ARHGAP21: variants seen among roughly 807,000 people sequenced by gnomAD.
ARHGAP21 encodes the protein rho GTPase-activating protein 21.
A neutral mutation model predicts 164.6 loss-of-function variants in ARHGAP21; 38 were observed. The ratio of observed to expected loss-of-function variants is 0.23; its 90% CI spans 0.18 to 0.30. ARHGAP21 has a LOEUF of 0.30. Ranked by LOEUF, ARHGAP21 falls within the 10% of genes least tolerant of loss-of-function variation. The probability of loss-of-function intolerance (pLI) is 1.00; values close to 1 mark genes in which losing one functional copy is unlikely to be tolerated. For missense variants in ARHGAP21, 1,822 were observed against 2,370.7 expected, an observed-to-expected ratio of 0.77 and a Z score of 4.81; for synonymous variants, 766 against 857.9, an observed-to-expected ratio of 0.89 and a Z score of 1.87.
At chr10:24,640,824 A>G (rs1386824043) in intron 4 of ARHGAP21, among the ~76,000 whole-genome samples, 3 of 152,244 alleles carry the variant, frequency 2.0e-5, no homozygotes, top group African/African-American at 7.2e-5. Flanking sequence ...ATTGAGCAAT[A>G]GGAATGTGGA....
chr10:24,626,234 C>G (rs570659078), intron 7 of ARHGAP21, among the ~76,000 whole-genome samples: 1 of 152,210 alleles, frequency 6.6e-6, no homozygotes, highest in South Asian at 2.1e-4. Context: ...AAGTATGCCC[C>G]GATCTAGTTC....
chr10:24,695,599 T>C (rs1354307018), intron 2 of ARHGAP21, among the ~76,000 whole-genome samples: 1 of 151,420 alleles, frequency 6.6e-6, no homozygotes, highest in Non-Finnish European at 1.5e-5. Context: ...ATTTAGCAAA[T>C]GTGATGGGAT....
At chr10:24,643,184 G>A (rs114887563) in intron 4 of ARHGAP21, among the ~76,000 whole-genome samples, 1 of 152,296 alleles carries the variant, frequency 6.6e-6, no homozygotes, top group African/African-American at 2.4e-5. Flanking sequence ...TCTTACAAAT[G>A]TGCCAGGCAT....
Position 24,585,963 on chromosome 10 carries a change from A to G in ARHGAP21, c.4326T>C (p.Phe1442=). Residue 1442 remains phenylalanine, a synonymous_variant, in exon 26 of 26, where the codon TTT becomes TTC. Coordinates refer to ENST00000396432, the MANE Select transcript of ARHGAP21 (RefSeq NM_020824.4). ...GACACTGTTCCACATTTTCTTTCTT[A>G]AAAAATACATTGTCCAGTTCATCTT... ...SSEDELDNVF[F]KKENVEQCHN... is the part of the protein sequence containing the mutation. The G allele has an allele frequency of 1.2e-6, 2 of 1,613,954 alleles. No individual in the cohort carries two copies. The highest frequency in any genetic ancestry group is 3.3e-5 in the Admixed American group (2 of 60,006).
rs1834433922 is a variant in ARHGAP21, at chr10:24,620,521, C to T, written c.1374G>A (p.Val458=). The T allele has an allele frequency of 3.7e-6, 6 of 1,611,212 alleles. No individual in the cohort carries two copies. The highest frequency in any genetic ancestry group is 5.1e-6 in the Non-Finnish European group (6 of 1,178,340). Residue 458 remains valine, a synonymous_variant, in exon 9 of 26, where the codon GTG becomes GTA. Coordinates refer to ENST00000396432, the MANE Select transcript of ARHGAP21 (RefSeq NM_020824.4). ...PQSVQIRQRS[V]SQERLEDSVL... ...CAGAATCTTCCAGTCTTTCTTGGGA[C>T]ACACTGCGTTGCCGTATCTGGACAG...
chr10:24,718,399 C>A (rs1289295558), intron 2 of ARHGAP21, among the ~76,000 whole-genome samples: 1 of 152,068 alleles, frequency 6.6e-6, no homozygotes, highest in Non-Finnish European at 1.5e-5. Flanking sequence ...TACGGAGTCA[C>A]CAGCACACAG....
chr10:24,668,063 T>C (rs1376226238), intron 3 of ARHGAP21, among the ~76,000 whole-genome samples: 2 of 152,354 alleles, frequency 1.3e-5, no homozygotes, highest in Middle Eastern at 3.4e-3. Flanking sequence ...TTAAGTGTGT[T>C]ACAAGTATTG....
At position 24,653,572 on chromosome 10, in the gene ARHGAP21, C is replaced by CA. The variant is rs201414885; in HGVS notation, c.268+13412dup. ...TGGGCGACAGAGAGAGACTCTGTCTCAAAAAAAAAAAAATTAAAAAAAAAG... is the reference window on the plus strand; with the variant it reads ...TGGGCGACAGAGAGAGACTCTGTCTCAAAAAAAAAAAAAATTAAAAAAAAAG... On this transcript the variant is annotated intron_variant, in intron 4 of 25. Coordinates refer to ENST00000396432, the MANE Select transcript of ARHGAP21 (RefSeq NM_020824.4). Among the ~76,000 whole-genome samples, 412 of 125,240 alleles carry CA rather than the reference C, an allele frequency of 3.3e-3. 2 individuals carry two copies. Among genetic ancestry groups the CA allele is most frequent in the African/African-American group, 9.1e-3 (306 of 33,640 alleles). 82.2% of individuals were successfully genotyped at this position (125,240 alleles called of 152,430 possible).
In ARHGAP21 at chr10:24,620,421, T is replaced by C. The variant is rs143952326; in HGVS notation, c.1474A>G (p.Arg492Gly). The change falls in exon 9 of 26, where the codon AGA becomes GGA. Residue 492 changes from arginine to glycine, a missense_variant. Arg to Gly is a moderately radical substitution (Grantham distance 125). Transcript: ENST00000396432. ...TCAATATAATCCCATGAACGAGTTCTATGATTACTAAAACTAACAGATGGA... is the reference window on the plus strand; with the variant it reads ...TCAATATAATCCCATGAACGAGTTCCATGATTACTAAAACTAACAGATGGA... The part of the protein sequence containing the change: ...TSPSVSFSNH[R>G]TRSWDYIEGQ... The C allele has an allele frequency of 3.1e-3, 4,973 of 1,611,712 alleles. 11 individuals are homozygous for C. Among genetic ancestry groups the C allele is most frequent in the South Asian group, 4.6e-3 (414 of 90,946 alleles).
Position 24,585,482 on chromosome 10 carries a change from G to A in ARHGAP21, c.4807C>T (p.Arg1603Ter), listed in dbSNP as rs1194227600. The change falls in exon 26 of 26, where the codon CGA (arginine) becomes TGA (stop). Residue 1603 changes from arginine (R) to a stop codon, truncating the protein, a stop_gained. Coordinates refer to ENST00000396432, the MANE Select transcript of ARHGAP21 (RefSeq NM_020824.4). LOFTEE classifies it low-confidence loss of function (END_TRUNC). ...ACGGATTGCACCTCAGGGCTCAGTCGACTGGAGTCCAGGCTAGTCAAGTAT... is the reference window on the plus strand; with the variant it reads ...ACGGATTGCACCTCAGGGCTCAGTCAACTGGAGTCCAGGCTAGTCAAGTAT... ...ATYLTSLDSS[R>*]LSPEVQSVAE... 2.5e-6 allele frequency: 4 copies of A among 1,613,962 alleles called. No individual in the cohort carries two copies. Among genetic ancestry groups the A allele is most frequent in the East Asian group, 2.2e-5 (1 of 44,890 alleles).
At chr10:24,630,094 T>TA (rs780921126) in intron 6 of ARHGAP21, 44 bp from the exon 7 acceptor site, 5 of 1,114,796 alleles carry the variant, frequency 4.5e-6, no homozygotes, top group African/African-American at 1.6e-5. Flanking sequence ...TAGAAGTGTA[T>TA]AAAAAAAGAC....
At chr10:24,668,258 T>A (rs1240940695) in intron 3 of ARHGAP21, among the ~76,000 whole-genome samples, 1 of 152,228 alleles carries the variant, frequency 6.6e-6, no homozygotes, top group Admixed American at 6.5e-5. Flanking sequence ...TCAAAGTTGT[T>A]TTGGTGTAAC....
intron 3 of ARHGAP21, among the ~76,000 whole-genome samples, chr10:24,668,216 C>T (rs923330057): frequency 6.6e-6 from 1 of 152,170 alleles, no homozygotes; most frequent in African/African-American, 2.4e-5. Context: ...TGTTAACAAG[C>T]GTAAGCATGT....
chr10:24,628,798 C>T (rs1249058440), intron 7 of ARHGAP21, among the ~76,000 whole-genome samples: 6 of 105,646 alleles, frequency 5.7e-5, no homozygotes, highest in Admixed American at 2.9e-4. Flanking sequence ...CATATATACA[C>T]ATATATACAT....
chr10:24,615,875 A>G (rs1833895754), intron 9 of ARHGAP21, among the ~76,000 whole-genome samples: 1 of 152,134 alleles, frequency 6.6e-6, no homozygotes, highest in Non-Finnish European at 1.5e-5. Context: ...CCCAGGTTCA[A>G]GCAATTCTCC....
At chr10:24,687,716 A>C (rs1842347673) in intron 2 of ARHGAP21, among the ~76,000 whole-genome samples, 2 of 152,226 alleles carry the variant, frequency 1.3e-5, no homozygotes, top group Admixed American at 6.5e-5. Flanking sequence ...GGTAGACAGG[A>C]ATCACCAAAT....
At position 24,671,310 on chromosome 10, in the gene ARHGAP21, C is replaced by T. The variant is rs116989905; in HGVS notation, c.64-913G>A. Reference sequence around the variant, plus strand: ...TTCACTCTAAGTTCATGACTACCAACCTCAAGAGAGCCTTTAGTGTTGTCA... The same window carrying T: ...TTCACTCTAAGTTCATGACTACCAATCTCAAGAGAGCCTTTAGTGTTGTCA... On this transcript the variant is annotated intron_variant, in intron 2 of 25. Coordinates refer to ENST00000396432, the MANE Select transcript of ARHGAP21 (RefSeq NM_020824.4). Among the ~76,000 whole-genome samples the T allele has an allele frequency of 4.0e-3, 608 of 152,256 alleles. 2 individuals are homozygous for T. The highest frequency in any genetic ancestry group is 0.014 in the Middle Eastern group (4 of 294).
intron 9 of ARHGAP21, among the ~76,000 whole-genome samples, chr10:24,610,148 G>A (rs1476344950): frequency 2.6e-5 from 4 of 152,258 alleles, no homozygotes; most frequent in Middle Eastern, 3.4e-3. Context: ...AGGCCAAGAC[G>A]GGTGGATCAC....
intron 3 of ARHGAP21, among the ~76,000 whole-genome samples, chr10:24,669,582 G>T (rs1593235285): frequency 6.6e-6 from 1 of 152,132 alleles, no homozygotes; most frequent in Non-Finnish European, 1.5e-5. Context: ...GTTATATGGG[G>T]CTAATAATAC....
Sources: allele counts gnomAD v4.1 joint callset (sites outside exome capture counted in the v4.1 genomes callset), GRCh38; gene constraint gnomAD v4.1.1; transcripts MANE v1.5; gene names NCBI Gene and HGNC (gene_info 2026-07-23, HGNC 2026-07-21).